The following PTPRD variants were observed in gnomAD, a reference collection of about 807,000 sequenced individuals.
The protein encoded by PTPRD is protein tyrosine phosphatase receptor type D.
PTPRD carries 34 observed loss-of-function variants against 214.5 expected under a neutral mutation model. The observed-to-expected ratio is 0.16, with a 90% CI of 0.12 to 0.21. PTPRD has a LOEUF of 0.21. Ranked by LOEUF, PTPRD falls within the 10% of genes least tolerant of loss-of-function variation. The pLI, the probability that PTPRD is intolerant of heterozygous loss-of-function variation, is 1.00. For synonymous variants in PTPRD, 1,128 were observed against 845.7 expected, an observed-to-expected ratio of 1.33 and a Z score of -5.79; for missense variants, 2,545 against 2,398.7, an observed-to-expected ratio of 1.06 and a Z score of -1.27.
chr9:10,477,729 C>T (rs1160774965), intron 2 of PTPRD, among the ~76,000 whole-genome samples: 1 of 151,976 alleles, frequency 6.6e-6, no homozygotes, highest in East Asian at 1.9e-4. Context: ...TGGAACCAAC[C>T]CAAATGCCCA....
In PTPRD at chr9:10,612,453, C is replaced by T. The variant is rs1347169115; in HGVS notation, c.-655G>A. 1 of 152,262 alleles carries T rather than the reference C, an allele frequency of 6.6e-6. No individual in the cohort carries two copies. The highest frequency in any genetic ancestry group is 1.9e-4 in the East Asian group (1 of 5,170). The allele number at this position is 152,262 out of a possible 1,614,324, so 9.4% of individuals were successfully genotyped here. ...CCCTGAGGAGTCTTCTCTTTTCTTT[C>T]CTACCAGTCAAATAAAGAATTGTCT... On this transcript the variant is annotated 5_prime_UTR_variant, in exon 2 of 46. Coordinates refer to ENST00000381196, the MANE Select transcript of PTPRD (RefSeq NM_002839.4).
At chr9:9,005,940 T>C (rs745827471) in intron 11 of PTPRD, among the ~76,000 whole-genome samples, 35 of 152,032 alleles carry the variant, frequency 2.3e-4, no homozygotes, top group Non-Finnish European at 4.7e-4. Context: ...ATTTGGAAAA[T>C]ATACAGTTCT....
At chr9:9,549,137 T>C (rs967373059) in intron 8 of PTPRD, among the ~76,000 whole-genome samples, 4 of 151,878 alleles carry the variant, frequency 2.6e-5, no homozygotes, top group African/African-American at 9.7e-5. Flanking sequence ...CACAAACTTA[T>C]AAAAGAAAAA....
At chr9:9,026,060 AAATAAAAC>A (rs1200858131) in intron 10 of PTPRD, among the ~76,000 whole-genome samples, 2 of 152,024 alleles carry the variant, frequency 1.3e-5, no homozygotes, top group Non-Finnish European at 2.9e-5. Context: ...GCCATGAAAA[AAATAAAAC>A]AGGGTATTGT....
At chr9:10,324,770 C>A (rs1375263457) in intron 3 of PTPRD, among the ~76,000 whole-genome samples, 1 of 151,952 alleles carries the variant, frequency 6.6e-6, no homozygotes, top group African/African-American at 2.4e-5. Flanking sequence ...AACCTCTATT[C>A]CAAGCTTTTG....
chr9:10,018,547 T>C (rs867065606), intron 4 of PTPRD, among the ~76,000 whole-genome samples: 19,774 of 96,950 alleles, frequency 0.2, 2,267 homozygotes, highest in African/African-American at 0.33. Context: ...TCTTTTTTTT[T>C]TTTTTTTTTT....
At chr9:9,614,725 A>G (rs2154347965) in intron 7 of PTPRD, among the ~76,000 whole-genome samples, 1 of 152,300 alleles carries the variant, frequency 6.6e-6, no homozygotes, top group South Asian at 2.1e-4. Flanking sequence ...AACTAAAGTA[A>G]CCTTATACCT....
At chr9:10,322,428 A>G (rs1021955420) in intron 3 of PTPRD, among the ~76,000 whole-genome samples, 2 of 152,076 alleles carry the variant, frequency 1.3e-5, no homozygotes, top group African/African-American at 4.8e-5. Flanking sequence ...ACAGGAACTA[A>G]GGATTTTTCT....
At chr9:9,962,571 G>T (rs187429163) in intron 4 of PTPRD, among the ~76,000 whole-genome samples, 3 of 151,908 alleles carry the variant, frequency 2.0e-5, no homozygotes, top group African/African-American at 4.8e-5. Context: ...TGTAAACTCC[G>T]TTGCCCTTTT....
intron 8 of PTPRD, among the ~76,000 whole-genome samples, chr9:9,475,701 C>T (rs1403404928): frequency 1.3e-5 from 2 of 152,136 alleles, no homozygotes; most frequent in African/African-American, 4.8e-5. Flanking sequence ...TTAAATAATT[C>T]CTGAATGTTG....
intron 4 of PTPRD, among the ~76,000 whole-genome samples, chr9:10,026,066 T>C (rs2096917439): frequency 6.6e-6 from 1 of 152,196 alleles, no homozygotes; most frequent in African/African-American, 2.4e-5. Context: ...AATATGTCTC[T>C]TGCAATTGAT....
At chr9:9,347,528 G>C (rs186283218) in intron 9 of PTPRD, among the ~76,000 whole-genome samples, 7 of 152,138 alleles carry the variant, frequency 4.6e-5, no homozygotes, top group African/African-American at 1.7e-4. Context: ...GTGATGCAGA[G>C]TGGGTGTTTC....
chr9:8,473,544 G>A (rs369001136), intron 30 of PTPRD, among the ~76,000 whole-genome samples: 2 of 152,116 alleles, frequency 1.3e-5, no homozygotes, highest in African/African-American at 2.4e-5. Context: ...TCAGAAGAGC[G>A]CTACACATAA....
intron 8 of PTPRD, among the ~76,000 whole-genome samples, chr9:9,467,846 G>C (rs1007097499): frequency 1.3e-5 from 2 of 151,932 alleles, no homozygotes; most frequent in African/African-American, 4.8e-5. Context: ...TTAATTTTCT[G>C]TAAATCTAAT....
intron 5 of PTPRD, among the ~76,000 whole-genome samples, chr9:9,783,220 T>A (rs188455714): frequency 1.6e-3 from 237 of 152,324 alleles, no homozygotes; most frequent in African/African-American, 5.5e-3. Context: ...CTCAAATGAT[T>A]TTCCCCATTA....
intron 10 of PTPRD, among the ~76,000 whole-genome samples, chr9:9,136,860 G>C (rs10977517): frequency 6.6e-6 from 1 of 152,264 alleles, no homozygotes; most frequent in South Asian, 2.1e-4. Flanking sequence ...CAGTATTGGA[G>C]TTGTGTATTT....
At chr9:10,375,211 T>G (rs2154479859) in intron 2 of PTPRD, among the ~76,000 whole-genome samples, 1 of 152,204 alleles carries the variant, frequency 6.6e-6, no homozygotes, top group Non-Finnish European at 1.5e-5. Flanking sequence ...AGTAGAGGCT[T>G]GTACTTGCAT....
intron 8 of PTPRD, among the ~76,000 whole-genome samples, chr9:9,469,688 C>T (rs769324446): frequency 6.6e-6 from 1 of 152,130 alleles, no homozygotes; most frequent in Non-Finnish European, 1.5e-5. Context: ...TTGGTGCTTT[C>T]TAACAGTTCA....
intron 2 of PTPRD, among the ~76,000 whole-genome samples, chr9:10,499,245 G>A (rs922797294): frequency 6.6e-6 from 1 of 151,890 alleles, no homozygotes; most frequent in Non-Finnish European, 1.5e-5. Context: ...GGTCCTCATT[G>A]TTCAACTCCC....
Sources: gnomAD v4.1 joint callset for allele counts (sites outside exome capture counted in the v4.1 genomes callset) on GRCh38, gnomAD v4.1.1 for gene constraint, MANE v1.5 for transcripts, NCBI Gene and HGNC (gene_info 2026-07-23, HGNC 2026-07-21) for gene names.